Variants in D2HGDH observed in about 807,000 individuals in gnomAD.
D2HGDH encodes the protein D-2-hydroxyglutarate dehydrogenase.
In D2HGDH, 31 loss-of-function variants were observed where a neutral mutation model predicts 46.9. The ratio of observed to expected loss-of-function variants is 0.66; its 90% CI spans 0.50 to 0.89. The LOEUF (loss-of-function observed/expected upper bound fraction) is 0.89. Among genes scored for constraint, D2HGDH ranks in the 40% least tolerant of loss-of-function variants. The probability of loss-of-function intolerance (pLI) is 0.00; values close to 1 mark genes in which losing one functional copy is unlikely to be tolerated. For synonymous variants in D2HGDH, 364 were observed against 332.6 expected (o/e 1.09, Z -1.03); for missense variants, 698 against 720.8 (o/e 0.97, Z 0.36).
At chr2:241,759,778 G>A in intron 9 of D2HGDH, among the ~76,000 whole-genome samples, 1 of 152,102 alleles carries the variant, frequency 6.6e-6, no homozygotes, top group East Asian at 1.9e-4. Flanking sequence ...GTTGGTGGTC[G>A]CCCTGGCACC....
At chr2:241,749,348 C>T (rs1280436429) in intron 6 of D2HGDH, 27 of 1,287,944 alleles carry the variant, frequency 2.1e-5, no homozygotes, top group Non-Finnish European at 2.7e-5. Flanking sequence ...CTGGAAAATT[C>T]TTCTCTGATA....
intron 9 of D2HGDH, among the ~76,000 whole-genome samples, chr2:241,756,577 A>G (rs1011428046): frequency 6.6e-6 from 1 of 152,202 alleles, no homozygotes; most frequent in African/African-American, 2.4e-5. Context: ...GCTGGAGTGC[A>G]GTGGCGCAAT....
intron 9 of D2HGDH, among the ~76,000 whole-genome samples, chr2:241,764,108 C>A (rs1003807915): frequency 6.6e-6 from 1 of 151,914 alleles, no homozygotes; most frequent in Admixed American, 6.5e-5. Context: ...ACAACCAGTC[C>A]TTCCTGGGCA....
chr2:241,735,619 C>T, intron 2 of D2HGDH, 103 bp downstream of exon 2: 1 of 1,493,910 alleles, frequency 6.7e-7, no homozygotes, highest in Non-Finnish European at 9.1e-7. Flanking sequence ...ATGGGGGTGC[C>T]AGCCCCTGGC....
intron 9 of D2HGDH, among the ~76,000 whole-genome samples, chr2:241,763,743 T>G (rs1462356448): frequency 6.6e-6 from 1 of 152,186 alleles, no homozygotes; most frequent in African/African-American, 2.4e-5. Context: ...TCACATACTT[T>G]GTGGACGCCA....
chr2:241,748,937 C>T, intron 6 of D2HGDH: 1 of 1,293,188 alleles, frequency 7.7e-7, no homozygotes, highest in Non-Finnish European at 1.0e-6. Context: ...GCTCTTCGCA[C>T]TCCAGGTCTC....
intron 8 of D2HGDH, among the ~76,000 whole-genome samples, chr2:241,752,426 G>A (rs896544144): frequency 4.6e-5 from 7 of 152,240 alleles, no homozygotes; most frequent in African/African-American, 1.7e-4. Flanking sequence ...TAAGTGGACT[G>A]TGACAGTCAG....
chr2:241,749,103 C>A, intron 6 of D2HGDH: 2 of 959,174 alleles, frequency 2.1e-6, no homozygotes, highest in Non-Finnish European at 2.6e-6. Flanking sequence ...GCAGCTGGGG[C>A]GACTTCCGAC....
intron 2 of D2HGDH, among the ~76,000 whole-genome samples, chr2:241,737,671 G>A (rs1000982344): frequency 1.3e-5 from 2 of 152,102 alleles, no homozygotes; most frequent in African/African-American, 4.8e-5. Context: ...GTGGGAGATC[G>A]CTTGAGCCCA....
At chr2:241,752,396 C>T (rs899482433) in intron 8 of D2HGDH, among the ~76,000 whole-genome samples, 7 of 152,222 alleles carry the variant, frequency 4.6e-5, no homozygotes, top group South Asian at 2.1e-4. Flanking sequence ...AGGTCTCTGC[C>T]TGCCATTCCT....
Position 241,744,705 on chromosome 2 carries a change from C to T in D2HGDH, c.685-4C>T. ...TGGGTGAACGTGCTTCTCTTTGCCCCAAGGTGCTGGCCGACGGCACTGTCC... is the reference window on the plus strand; with the variant it reads ...TGGGTGAACGTGCTTCTCTTTGCCCTAAGGTGCTGGCCGACGGCACTGTCC... On this transcript the variant is annotated splice_region_variant and splice_polypyrimidine_tract_variant and intron_variant, in intron 5 of 9. Coordinates refer to ENST00000321264, the MANE Select transcript of D2HGDH (RefSeq NM_152783.5). 6.2e-7 allele frequency: 1 copy of T among 1,614,254 alleles called. No homozygotes were observed. Among genetic ancestry groups the T allele is most frequent in the Non-Finnish European group, 8.5e-7 (1 of 1,180,040 alleles).
At chr2:241,760,437 G>A (rs934995241) in intron 9 of D2HGDH, among the ~76,000 whole-genome samples, 1 of 150,572 alleles carries the variant, frequency 6.6e-6, no homozygotes, top group Non-Finnish European at 1.5e-5. Flanking sequence ...CCACAGCGTG[G>A]GTGGGCCTTA....
intron 9 of D2HGDH, among the ~76,000 whole-genome samples, chr2:241,760,671 G>C (rs180722935): frequency 2.1e-4 from 32 of 150,746 alleles, no homozygotes; most frequent in Admixed American, 2.0e-3. Context: ...CCAATCAGTC[G>C]AAGGACTTCG....
chr2:241,735,523 G>A lies in D2HGDH; in HGVS notation c.292+7G>A, dbSNP rs771648890. ...TGGTTGCGGACGCTGCGAGGTGGGT[G>A]AGGCTTGGGAAGCTGCGGCGTTTCC... On this transcript the variant is annotated splice_region_variant and intron_variant, in intron 2 of 9. Transcript: ENST00000321264. The A allele has an allele frequency of 6.2e-7, 1 of 1,604,012 alleles. No homozygotes were observed. Among genetic ancestry groups the A allele is most frequent in the East Asian group, 2.2e-5 (1 of 44,858 alleles).
At chr2:241,755,112 A>G (rs1167515937) in intron 8 of D2HGDH, 1 of 1,304,078 alleles carries the variant, frequency 7.7e-7, no homozygotes, top group South Asian at 1.2e-5. Flanking sequence ...TCTGAGCCCT[A>G]GGATTTGGCC....
Position 241,768,108 on chromosome 2 carries a change from T to C in D2HGDH, c.*139T>C. 1 of 1,292,184 alleles carries C rather than the reference T, an allele frequency of 7.7e-7. No individual in the cohort carries two copies. Among genetic ancestry groups the C allele is most frequent in the South Asian group, 1.5e-5 (1 of 65,108 alleles). 80.0% of individuals were successfully genotyped at this position (1,292,184 alleles called of 1,614,324 possible). On this transcript the variant is annotated 3_prime_UTR_variant, in exon 10 of 10. Transcript: ENST00000321264. ...GGTTGAAGGGACTGGGAGCCCGCACTGGGGAACTGCCGGACGCAGGCCCTC... is the reference window on the plus strand; with the variant it reads ...GGTTGAAGGGACTGGGAGCCCGCACCGGGGAACTGCCGGACGCAGGCCCTC...
chr2:241,760,129 AGC>A, intron 9 of D2HGDH, among the ~76,000 whole-genome samples: 1 of 111,870 alleles, frequency 8.9e-6, no homozygotes, highest in East Asian at 2.7e-4. Context: ...ACTTCGCCAC[AGC>A]GTGGGTGGGC....
chr2:241,745,538 G>A (rs2125097334), intron 6 of D2HGDH, among the ~76,000 whole-genome samples: 1 of 152,302 alleles, frequency 6.6e-6, no homozygotes, highest in East Asian at 1.9e-4. Flanking sequence ...CCAGAAGCTT[G>A]GGCAGCCCTG....
At position 241,735,376 on chromosome 2, in the gene D2HGDH, G is replaced by C. The variant is rs549207331; in HGVS notation, c.152G>C (p.Arg51Pro). Residue 51 changes from arginine to proline, a missense_variant, in exon 2 of 10, where the codon CGC becomes CCC. Arg to Pro is a moderately radical substitution (Grantham distance 103). Transcript: ENST00000321264. The part of the protein sequence containing the change: ...GTPEVPLTRE[R>P]YPVRRLPFST... ...CCCGAGGTGCCGCTGACCCGGGAGCGCTACCCCGTGCGGCGCTTGCCGTTC... is the reference window on the plus strand; with the variant it reads ...CCCGAGGTGCCGCTGACCCGGGAGCCCTACCCCGTGCGGCGCTTGCCGTTC... 6.3e-7 allele frequency: 1 copy of C among 1,581,418 alleles called. No individual in the cohort carries two copies. Among genetic ancestry groups the C allele is most frequent in the East Asian group, 2.3e-5 (1 of 43,756 alleles).
Sources: gnomAD v4.1 joint callset for allele counts (sites outside exome capture counted in the v4.1 genomes callset) on GRCh38, gnomAD v4.1.1 for gene constraint, MANE v1.5 for transcripts, NCBI Gene and HGNC (gene_info 2026-07-23, HGNC 2026-07-21) for gene names.